Variants in SEPTIN7 observed in about 807,000 individuals in gnomAD.
SEPTIN7 encodes the protein septin 7.
Under a neutral mutation model 63.3 loss-of-function variants are expected in SEPTIN7, and 10 were observed. The observed-to-expected ratio is 0.16, with a 90% CI of 0.10 to 0.27. The LOEUF is 0.27. Ranked by LOEUF, SEPTIN7 falls within the 10% of genes least tolerant of loss-of-function variation. The pLI, the probability that SEPTIN7 is intolerant of heterozygous loss-of-function variation, is 1.00. For synonymous variants in SEPTIN7, 131 were observed against 165.3 expected, an observed-to-expected ratio of 0.79 and a Z score of 1.59; for missense variants, 310 against 521.0, an observed-to-expected ratio of 0.59 and a Z score of 3.94.
intron 1 of SEPTIN7, among the ~76,000 whole-genome samples, chr7:35,825,435 A>T (rs549142516): frequency 6.6e-6 from 1 of 152,228 alleles, no homozygotes; most frequent in Non-Finnish European, 1.5e-5. Flanking sequence ...TGAGACCCAT[A>T]TTCTCCAGCT....
At chr7:35,837,947 C>G (rs1028701580) in intron 3 of SEPTIN7, among the ~76,000 whole-genome samples, 15 of 152,168 alleles carry the variant, frequency 9.9e-5, no homozygotes, top group African/African-American at 3.6e-4. Context: ...TGGTCTTGAA[C>G]ACCTATATTG....
At chr7:35,800,988 G>A (rs1310771877), upstream of SEPTIN7, 2 of 455,556 alleles carry the variant, frequency 4.4e-6, no homozygotes, top group South Asian at 3.9e-5. Flanking sequence ...AATCTCGCGA[G>A]ATGGAAGCCA....
chr7:35,893,214 G>A (rs1012419635), intron 11 of SEPTIN7, among the ~76,000 whole-genome samples: 3 of 58,416 alleles, frequency 5.1e-5, no homozygotes, highest in African/African-American at 1.4e-4. Flanking sequence ...TGTTCTTTTT[G>A]TATTGCTCTC....
intron 5 of SEPTIN7, 59 bp downstream of exon 5, chr7:35,872,825 C>T (rs1478005744): frequency 1.0e-5 from 11 of 1,104,340 alleles, no homozygotes; most frequent in Non-Finnish European, 1.2e-5. Context: ...GGTGGTTAAA[C>T]TTTTTCTTCT....
intron 1 of SEPTIN7, among the ~76,000 whole-genome samples, chr7:35,816,242 C>T (rs767234699): frequency 1.3e-5 from 2 of 152,178 alleles, no homozygotes; most frequent in Non-Finnish European, 2.9e-5. Context: ...CCCATCCCTT[C>T]TCTTCCCTTG....
At chr7:35,838,296 CCTT>C (rs1784198075) in intron 3 of SEPTIN7, among the ~76,000 whole-genome samples, 4 of 10,230 alleles carry the variant, frequency 3.9e-4, no homozygotes, top group African/African-American at 2.8e-3. Flanking sequence ...TTCCTTCCTT[CCTT>C]CCTTCCCTCC....
intron 1 of SEPTIN7, among the ~76,000 whole-genome samples, chr7:35,816,033 T>G (rs993274339): frequency 2.0e-5 from 3 of 152,172 alleles, no homozygotes; most frequent in African/African-American, 7.2e-5. Flanking sequence ...ATATAACAAT[T>G]TATGAAAGGT....
chr7:35,865,207 T>C (rs566745182), intron 4 of SEPTIN7, among the ~76,000 whole-genome samples: 147 of 152,248 alleles, frequency 9.7e-4, no homozygotes, highest in African/African-American at 3.4e-3. Flanking sequence ...TACCTTAATT[T>C]AGGTATTTAT....
At chr7:35,915,174 C>CATGTGTACATAT in the SEPTIN7 span, among the ~76,000 whole-genome samples, 2 of 132,812 alleles carry the variant, frequency 1.5e-5, no homozygotes, top group Non-Finnish European at 1.7e-5. Context: ...TATATACACA[C>CATGTGTACATAT]ATATACATAT....
intron 1 of SEPTIN7, among the ~76,000 whole-genome samples, chr7:35,816,989 A>G (rs915035127): frequency 1.3e-5 from 2 of 151,252 alleles, no homozygotes; most frequent in African/African-American, 2.4e-5. Flanking sequence ...ACTTGCAAGT[A>G]GTTCCTACAA....
At chr7:35,874,562 G>A (rs954421777) in intron 6 of SEPTIN7, among the ~76,000 whole-genome samples, 1 of 152,140 alleles carries the variant, frequency 6.6e-6, no homozygotes, top group African/African-American at 2.4e-5. Context: ...CAAAAGAACT[G>A]TAGTAGCATC....
chr7:35,873,522 A>G (rs1562566027), intron 5 of SEPTIN7, 119 bp from the exon 6 acceptor site: 3 of 865,912 alleles, frequency 3.5e-6, no homozygotes, highest in Non-Finnish European at 5.1e-6. Context: ...ATAACTTGAC[A>G]TATCTTCTAC....
At chr7:35,892,911 T>C (rs1787734848) in intron 11 of SEPTIN7, among the ~76,000 whole-genome samples, 1 of 152,176 alleles carries the variant, frequency 6.6e-6, no homozygotes, top group Non-Finnish European at 1.5e-5. Flanking sequence ...TTATTTTATG[T>C]TAATAATAAA....
chr7:35,837,458 TA>T (rs1234057919), intron 3 of SEPTIN7, among the ~76,000 whole-genome samples: 2 of 152,320 alleles, frequency 1.3e-5, no homozygotes, highest in East Asian at 3.9e-4. Context: ...AATACTATAA[TA>T]ACATCGTTAT....
At chr7:35,911,035 C>T (rs553012789), downstream of SEPTIN7, among the ~76,000 whole-genome samples, 86 of 152,300 alleles carry the variant, frequency 5.6e-4, no homozygotes, top group African/African-American at 1.9e-3. Flanking sequence ...TGAGGACCCC[C>T]CTGGTTGCAG....
At chr7:35,884,745 A>C (rs1363338498) in intron 9 of SEPTIN7, among the ~76,000 whole-genome samples, 1 of 152,162 alleles carries the variant, frequency 6.6e-6, no homozygotes, top group African/African-American at 2.4e-5. Context: ...TAGAGTAAAA[A>C]AATTTCGTTA....
chr7:35,839,349 T>C (rs1244186750), intron 3 of SEPTIN7, among the ~76,000 whole-genome samples: 2 of 152,256 alleles, frequency 1.3e-5, no homozygotes, highest in Admixed American at 1.3e-4. Flanking sequence ...GGCTATCTGA[T>C]ATTTTACCAT....
chr7:35,848,911 C>T (rs763751143), intron 3 of SEPTIN7, among the ~76,000 whole-genome samples: 13 of 152,192 alleles, frequency 8.5e-5, no homozygotes, highest in Non-Finnish European at 1.6e-4. Context: ...TAGCGCCTCC[C>T]AGCCTCAGAC....
chr7:35,844,971 C>T lies in SEPTIN7; in HGVS notation c.169+12071C>T, dbSNP rs368037893. 2.6e-5 allele frequency among the ~76,000 whole-genome samples: 4 copies of T among 152,068 alleles called. No homozygotes were observed. In the East Asian group the frequency reaches 5.8e-4, roughly 22 times the overall value. The stretch of plus-strand genomic sequence containing the variant: ...GGCCAGGCTCATTGATGTGTGTAAT[C>T]CCAGCACTTTGGAAGGCCCAGGTAG... On this transcript the variant is annotated intron_variant, in intron 3 of 13. Transcript: ENST00000350320.
Sources: allele counts gnomAD v4.1 joint callset (sites outside exome capture counted in the v4.1 genomes callset), GRCh38; gene constraint gnomAD v4.1.1; transcripts MANE v1.5; gene names NCBI Gene and HGNC (gene_info 2026-07-23, HGNC 2026-07-21).